Variants in ANKRD12 observed in about 807,000 individuals in gnomAD.
The protein encoded by ANKRD12 is ankyrin repeat domain 12, also known as ankyrin repeat domain-containing protein 12.
Under a neutral mutation model 183.4 loss-of-function variants are expected in ANKRD12, and 85 were observed. That is an observed-to-expected ratio of 0.46 (90% CI 0.39 to 0.56). The LOEUF (loss-of-function observed/expected upper bound fraction) is 0.56, where lower values mean the gene tolerates loss of function less well. Among genes scored for constraint, ANKRD12 ranks in the 20% least tolerant of loss-of-function variants. The probability of loss-of-function intolerance (pLI) is 0.00; values close to 1 mark genes in which losing one functional copy is unlikely to be tolerated. For synonymous variants in ANKRD12, 914 were observed against 800.2 expected, an observed-to-expected ratio of 1.14 and a Z score of -2.40; for missense variants, 2,405 against 2,357.1, an observed-to-expected ratio of 1.02 and a Z score of -0.42.
At position 9,257,207 on chromosome 18, in the gene ANKRD12, T is replaced by G; in HGVS notation, c.3940T>G (p.Ser1314Ala). 1 of 1,614,182 alleles carries G rather than the reference T, an allele frequency of 6.2e-7. No individual in the cohort carries two copies. Among genetic ancestry groups the G allele is most frequent in the African/African-American group, 1.3e-5 (1 of 75,050 alleles). The change falls in exon 9 of 13, where the codon TCT becomes GCT. Residue 1314 changes from serine to alanine, a missense_variant. Ser to Ala is a moderately conservative substitution (Grantham distance 99, BLOSUM62 1). Around this residue, in one of 7 missense-constraint regions of ANKRD12, gnomAD observed 1,983 missense variants for 1,725.9 expected, o/e 1.15. Coordinates refer to ENST00000262126, the MANE Select transcript of ANKRD12 (RefSeq NM_015208.5). ...TIEVRRCSMP[S>A]VICEHTKQFQ... is the part of the protein sequence containing the mutation. ...AGAAGTTCGAAGATGTAGCATGCCT[T>G]CTGTCATTTGTGAACATACCAAACA...
At chr18:9,141,152 C>G (rs980839425) in intron 1 of ANKRD12, among the ~76,000 whole-genome samples, 2 of 151,872 alleles carry the variant, frequency 1.3e-5, no homozygotes, top group East Asian at 3.8e-4. Flanking sequence ...AAAGAAGTAC[C>G]TTATGGGAAT....
intron 11 of ANKRD12, among the ~76,000 whole-genome samples, chr18:9,277,697 C>A (rs2039919046): frequency 6.6e-6 from 1 of 151,940 alleles, no homozygotes; most frequent in African/African-American, 2.4e-5. Context: ...CATAGCAGAG[C>A]TGGAAATTGA....
At chr18:9,253,231 T>C (rs990839306) in intron 8 of ANKRD12, among the ~76,000 whole-genome samples, 3 of 152,208 alleles carry the variant, frequency 2.0e-5, no homozygotes, top group Non-Finnish European at 4.4e-5. Flanking sequence ...CTCTTAGTTA[T>C]GGTGAAATAG....
At chr18:9,219,601 C>T (rs1409880492) in intron 7 of ANKRD12, among the ~76,000 whole-genome samples, 1 of 152,042 alleles carries the variant, frequency 6.6e-6, no homozygotes, top group African/African-American at 2.4e-5. Context: ...TGCCTCCTCC[C>T]TCTCCTCTTC....
At chr18:9,207,206 T>G (rs2035536982) in intron 4 of ANKRD12, among the ~76,000 whole-genome samples, 2 of 152,008 alleles carry the variant, frequency 1.3e-5, no homozygotes, top group Admixed American at 1.3e-4. Context: ...AAAAATCTGT[T>G]TAGGGCTTTA....
At chr18:9,159,677 G>A (rs1478973310) in intron 1 of ANKRD12, among the ~76,000 whole-genome samples, 2 of 151,454 alleles carry the variant, frequency 1.3e-5, no homozygotes, top group African/African-American at 4.9e-5. Flanking sequence ...CTGACCTCGT[G>A]ATCCACCCGC....
At chr18:9,157,232 C>T (rs1177498068) in intron 1 of ANKRD12, among the ~76,000 whole-genome samples, 1 of 151,994 alleles carries the variant, frequency 6.6e-6, no homozygotes, top group African/African-American at 2.4e-5. Flanking sequence ...TAAATGTACT[C>T]AGCATACTTA....
chr18:9,273,813 T>G (rs1020145259), intron 10 of ANKRD12, among the ~76,000 whole-genome samples: 1 of 152,200 alleles, frequency 6.6e-6, no homozygotes, highest in Non-Finnish European at 1.5e-5. Flanking sequence ...GCATTGAGAT[T>G]ACAGGCAAAA....
At chr18:9,235,406 A>G (rs1208114332) in intron 8 of ANKRD12, among the ~76,000 whole-genome samples, 3 of 152,212 alleles carry the variant, frequency 2.0e-5, no homozygotes, top group South Asian at 2.1e-4. Flanking sequence ...TAATTTCATC[A>G]TAGGTAAAGA....
intron 8 of ANKRD12, chr18:9,250,205 G>A (rs186520620): frequency 2.6e-5 from 4 of 152,290 alleles, no homozygotes; most frequent in Non-Finnish European, 5.9e-5. Context: ...CACTTGACTA[G>A]CCTTAAAAGA....
Position 9,178,343 on chromosome 18 carries a change from C to CTCTT in ANKRD12, c.-51-4039_-51-4038insTCTT, listed in dbSNP as rs35964343. Reference sequence around the variant, plus strand: ...AGATTCTCTCTCTCTCTCTCTCTCTCGTTTTTTGCATTTGGATATACAGTT... The same window carrying CTCTT: ...AGATTCTCTCTCTCTCTCTCTCTCTCTCTTGTTTTTTGCATTTGGATATACAGTT... On this transcript the variant is annotated intron_variant, in intron 1 of 12. Transcript: ENST00000262126. Among the ~76,000 whole-genome samples, 773 of 151,078 alleles carry CTCTT rather than the reference C, an allele frequency of 5.1e-3. 10 individuals carry two copies. The highest frequency in any genetic ancestry group is 0.01 in the Middle Eastern group (3 of 294).
chr18:9,271,526 A>T (rs1228313546), intron 10 of ANKRD12, among the ~76,000 whole-genome samples: 12 of 152,062 alleles, frequency 7.9e-5, no homozygotes. Flanking sequence ...GTCTCAAAAA[A>T]AAAAATTTTT....
intron 2 of ANKRD12, among the ~76,000 whole-genome samples, chr18:9,189,613 G>A (rs1054837445): frequency 6.6e-6 from 1 of 152,196 alleles, no homozygotes; most frequent in Non-Finnish European, 1.5e-5. Flanking sequence ...TTAAGTTAAA[G>A]CCAGTGCTCT....
intron 1 of ANKRD12, among the ~76,000 whole-genome samples, chr18:9,158,888 A>AGTGT (rs1431478300): frequency 6.6e-6 from 1 of 152,198 alleles, no homozygotes; most frequent in African/African-American, 2.4e-5. Context: ...TTTACTAATC[A>AGTGT]GTGTGGACTT....
intron 3 of ANKRD12, among the ~76,000 whole-genome samples, chr18:9,201,462 A>G (rs1244525908): frequency 1.3e-5 from 2 of 152,216 alleles, no homozygotes; most frequent in African/African-American, 4.8e-5. Context: ...CCATTAAGAC[A>G]TCTTTGCAGA....
intron 2 of ANKRD12, among the ~76,000 whole-genome samples, chr18:9,190,327 T>C (rs773735789): frequency 1.3e-5 from 2 of 152,228 alleles, no homozygotes; most frequent in Non-Finnish European, 2.9e-5. Flanking sequence ...TGAAGCTCCA[T>C]TTCATTGGCA....
In ANKRD12 at chr18:9,258,791, A is replaced by G; in HGVS notation, c.5524A>G (p.Ile1842Val). ...AAATCCATATTTTGAATACTTGCAC[A>G]TAAGGAAAAAAATAGAAGAAAAACG... ...RANPYFEYLH[I>V]RKKIEEKRKL... Residue 1842 changes from isoleucine (I) to valine (V), a missense_variant, in exon 9 of 13, where the codon ATA becomes GTA. Physicochemically the swap from Ile to Val is conservative, Grantham distance 29. Around this residue, in one of 7 missense-constraint regions of ANKRD12, gnomAD observed 162 missense variants for 272.2 expected, o/e 0.60. Transcript: ENST00000262126. 6.2e-7 allele frequency: 1 copy of G among 1,613,932 alleles called. No homozygotes were observed. The highest frequency in any genetic ancestry group is 8.5e-7 in the Non-Finnish European group (1 of 1,179,864).
At chr18:9,263,753 A>G (rs1598744063) in intron 9 of ANKRD12, 37 bp from the exon 10 acceptor site, 10 of 1,407,314 alleles carry the variant, frequency 7.1e-6, no homozygotes, top group Non-Finnish European at 8.6e-6. Flanking sequence ...TGTAAATAAA[A>G]CCTAATATTT....
At position 9,255,588 on chromosome 18, in the gene ANKRD12, G is replaced by C; in HGVS notation, c.2321G>C (p.Arg774Thr). ...AAAATAAAAGATCTAAAAGAAGAGA[G>C]AGAAAACATACCCACAGATAAAGAC... ...EEKIKDLKEE[R>T]ENIPTDKDSE... The change falls in exon 9 of 13, where the codon AGA becomes ACA. Residue 774 changes from arginine (R) to threonine (T), a missense_variant. Arg to Thr is a moderately conservative substitution (Grantham distance 71, BLOSUM62 -1). This residue lies in a region of ANKRD12 where 1,983 missense variants were observed against 1,725.9 expected (regional missense o/e 1.15). Transcript: ENST00000262126. 6.4e-7 allele frequency: 1 copy of C among 1,568,442 alleles called. No individual in the cohort carries two copies. The highest frequency in any genetic ancestry group is 1.2e-5 in the South Asian group (1 of 81,902).
Sources: allele counts gnomAD v4.1 joint callset (sites outside exome capture counted in the v4.1 genomes callset), GRCh38; gene constraint gnomAD v4.1.1; regional missense constraint gnomAD v4.1.1; transcripts MANE v1.5; gene names NCBI Gene and HGNC (gene_info 2026-07-23, HGNC 2026-07-21).